The following RABEPK variants were observed in gnomAD, a reference collection of about 807,000 sequenced individuals.
The protein encoded by RABEPK is 40 kDa Rab9 effector protein.
A neutral mutation model predicts 34.1 loss-of-function variants in RABEPK; 27 were observed. The observed-to-expected ratio is 0.79, with a 90% CI of 0.58 to 1.09. RABEPK has a LOEUF of 1.09. Among genes scored for constraint, RABEPK ranks in the 50% least tolerant of loss-of-function variants. RABEPK has a pLI of 0.00. For missense variants in RABEPK, 449 were observed against 462.6 expected, an observed-to-expected ratio of 0.97 and a Z score of 0.27; for synonymous variants, 172 against 169.2, an observed-to-expected ratio of 1.02 and a Z score of -0.13.
In RABEPK at chr9:125,220,548, C is replaced by A. The variant is rs144370574; in HGVS notation, c.374C>A (p.Thr125Lys). The change falls in exon 5 of 8, where the codon ACG (threonine) becomes AAG (lysine). Residue 125 changes from threonine to lysine, a missense_variant. Thr to Lys is a moderately conservative substitution (Grantham distance 78, BLOSUM62 -1). Coordinates refer to ENST00000373538, the MANE Select transcript of RABEPK (RefSeq NM_005833.4). ...CLQVLNPETRTWTTPEVTSPP... is the reference protein window; with the variant it reads ...CLQVLNPETRKWTTPEVTSPP... Reference sequence around the variant, plus strand: ...ATTCTCTCTGGCCCAGAAACCAGGACGTGGACCACGCCAGAAGTGACCAGC... The same window carrying A: ...ATTCTCTCTGGCCCAGAAACCAGGAAGTGGACCACGCCAGAAGTGACCAGC... 1.5e-5 allele frequency: 24 copies of A among 1,613,178 alleles called. No homozygotes were observed. Among genetic ancestry groups the A allele is most frequent in the Non-Finnish European group, 2.0e-5 (24 of 1,179,580 alleles).
Position 125,224,855 on chromosome 9 carries a change from CTCCAAA to C in RABEPK, c.527-3051_527-3046del, listed in dbSNP as rs991643074. Among the ~76,000 whole-genome samples the C allele has an allele frequency of 4.6e-5, 7 of 152,158 alleles. No homozygotes were observed. The South Asian group carries it at 6.2e-4, about 13-fold the overall frequency. ...ATATAGTGAGATAACCTGGTTTCAG[CTCCAAA>C]TCCCATATTCTAACCATTATCCTAT... On this transcript the variant is annotated intron_variant, in intron 5 of 7. Coordinates refer to ENST00000373538, the MANE Select transcript of RABEPK (RefSeq NM_005833.4).
intron 5 of RABEPK, 181 bp downstream of exon 5, chr9:125,220,881 G>A: frequency 6.3e-6 from 5 of 790,344 alleles, no homozygotes; most frequent in Non-Finnish European, 9.3e-6. Flanking sequence ...AAAAGGGATA[G>A]TGAGGCCTGG....
chr9:125,232,637 C>T lies in RABEPK; in HGVS notation c.718C>T (p.Pro240Ser). 7 of 1,614,064 alleles carry T rather than the reference C, an allele frequency of 4.3e-6. No individual in the cohort carries two copies. The highest frequency in any genetic ancestry group is 5.9e-6 in the Non-Finnish European group (7 of 1,179,964). ...GAAGCTAAATCCCACTGGGGCTGCT[C>T]CAGCAGGCTGTGCTGCCCACTCAGC... Reference protein sequence around the residue: ...WQKLNPTGAAPAGCAAHSAVA... With the variant: ...WQKLNPTGAASAGCAAHSAVA... Residue 240 changes from proline to serine, a missense_variant, in exon 7 of 8, where the codon CCA becomes TCA. Transcript: ENST00000373538.
chr9:125,213,570 C>G (rs903022167), intron 4 of RABEPK, 48 bp downstream of exon 4: 1 of 1,426,726 alleles, frequency 7.0e-7, no homozygotes, highest in East Asian at 2.3e-5. Context: ...AATAAACTTT[C>G]ATGCACACAC....
chr9:125,213,902 C>G (rs1830747392), intron 4 of RABEPK, among the ~76,000 whole-genome samples: 1 of 152,162 alleles, frequency 6.6e-6, no homozygotes, highest in African/African-American at 2.4e-5. Context: ...AGGCAGATCA[C>G]TTGAGGTCAG....
At position 125,233,986 on chromosome 9, in the gene RABEPK, C is replaced by G; in HGVS notation, c.*6C>G. The G allele has an allele frequency of 6.3e-7, 1 of 1,580,696 alleles. No homozygotes were observed. The highest frequency in any genetic ancestry group is 8.7e-7 in the Non-Finnish European group (1 of 1,155,108). On this transcript the variant is annotated 3_prime_UTR_variant, in exon 8 of 8. Coordinates refer to ENST00000373538, the MANE Select transcript of RABEPK (RefSeq NM_005833.4). ...TTGTGACTGTAGTGGACTAATAAAA[C>G]CCACATTTTTATTACCTGTCAGTTA...
In RABEPK at chr9:125,234,125, C is replaced by A; in HGVS notation, c.*145C>A. ...GGTGAAGAAACTAATGCAAATAATTCTTATGTGCACTAAACCTTGCTATAT... is the reference window on the plus strand; with the variant it reads ...GGTGAAGAAACTAATGCAAATAATTATTATGTGCACTAAACCTTGCTATAT... On this transcript the variant is annotated 3_prime_UTR_variant, in exon 8 of 8. Coordinates refer to ENST00000373538, the MANE Select transcript of RABEPK (RefSeq NM_005833.4). 4 of 834,526 alleles carry A rather than the reference C, an allele frequency of 4.8e-6. No homozygotes were observed. Among genetic ancestry groups the A allele is most frequent in the South Asian group, 1.7e-5 (1 of 58,214 alleles). 51.7% of individuals were successfully genotyped at this position (834,526 alleles called of 1,614,324 possible). A position where few individuals can be genotyped will look rare whatever the true frequency, so the allele number is the denominator to read the frequency against.
At chr9:125,230,366 T>C (rs552893976) in intron 6 of RABEPK, among the ~76,000 whole-genome samples, 4 of 152,178 alleles carry the variant, frequency 2.6e-5, no homozygotes, top group South Asian at 2.1e-4. Flanking sequence ...AAGTCCTGTG[T>C]AGTGTATCGG....
intron 3 of RABEPK, among the ~76,000 whole-genome samples, chr9:125,212,667 T>C (rs79226157): frequency 6.6e-6 from 1 of 151,704 alleles, no homozygotes; most frequent in Non-Finnish European, 1.5e-5. Flanking sequence ...TTTTTTTTTT[T>C]TGAGACAGAG....
In RABEPK at chr9:125,228,013, C is replaced by A. The variant is rs777147154; in HGVS notation, c.630C>A (p.Gly210=). 1.9e-6 allele frequency: 3 copies of A among 1,605,976 alleles called. No individual in the cohort carries two copies. Among genetic ancestry groups the A allele is most frequent in the South Asian group, 2.2e-5 (2 of 89,968 alleles). The change falls in exon 6 of 8, where the codon GGC becomes GGA. Residue 210 remains glycine (G), a synonymous_variant. Coordinates refer to ENST00000373538, the MANE Select transcript of RABEPK (RefSeq NM_005833.4). ...AAGTKLFIHG[G]LAGDRFYDDL... ...GGACAAAGCTCTTCATCCACGGAGG[C>A]TTGGCGGGGGACAGATTCTATGATG... is the stretch of plus-strand genomic sequence containing the variant.
chr9:125,224,378 G>A (rs1831584277), intron 5 of RABEPK, among the ~76,000 whole-genome samples: 1 of 151,296 alleles, frequency 6.6e-6, no homozygotes, highest in Non-Finnish European at 1.5e-5. Flanking sequence ...CATGTATTGG[G>A]TACTTTTTTT....
intron 2 of RABEPK, among the ~76,000 whole-genome samples, chr9:125,205,403 T>C (rs765936888): frequency 1.3e-5 from 2 of 152,236 alleles, no homozygotes; most frequent in Non-Finnish European, 2.9e-5. Flanking sequence ...GGCTGTGTGC[T>C]TTTGGTAAAT....
chr9:125,223,279 A>C (rs1460352569), intron 5 of RABEPK, among the ~76,000 whole-genome samples: 1 of 151,862 alleles, frequency 6.6e-6, no homozygotes, highest in African/African-American at 2.4e-5. Context: ...CTCTACTAAA[A>C]ATACAAAAAA....
At chr9:125,232,993 T>C (rs1031771268) in intron 7 of RABEPK, among the ~76,000 whole-genome samples, 1 of 151,678 alleles carries the variant, frequency 6.6e-6, no homozygotes, top group East Asian at 2.0e-4. Context: ...GGGGAATTGC[T>C]TGAACCCAGG....
chr9:125,232,083 G>A (rs1274371015), intron 6 of RABEPK, among the ~76,000 whole-genome samples: 17 of 151,678 alleles, frequency 1.1e-4, no homozygotes, highest in Non-Finnish European at 1.5e-5. Flanking sequence ...ATTTTTAGTA[G>A]AGACGGGGTT....
chr9:125,206,291 C>G (rs1830220735), intron 2 of RABEPK, among the ~76,000 whole-genome samples: 1 of 152,028 alleles, frequency 6.6e-6, no homozygotes, highest in South Asian at 2.1e-4. Flanking sequence ...TTGCTTGAGG[C>G]TGGGAGTTCA....
In RABEPK at chr9:125,220,652, A is replaced by G. The variant is rs1831265066; in HGVS notation, c.478A>G (p.Arg160Gly). The G allele has an allele frequency of 1.9e-6, 3 of 1,614,192 alleles. No individual in the cohort carries two copies. Among genetic ancestry groups the G allele is most frequent in the Non-Finnish European group, 2.5e-6 (3 of 1,180,034 alleles). Reference protein sequence around the residue: ...NQLYVFGGGERGAQPVQDTKL... With the variant: ...NQLYVFGGGEGGAQPVQDTKL... ...GCTATATGTCTTTGGGGGCGGAGAG[A>G]GAGGTGCCCAGCCCGTGCAGGACAC... is the stretch of plus-strand genomic sequence containing the variant. The change falls in exon 5 of 8, where the codon AGA (arginine) becomes GGA (glycine). Residue 160 changes from arginine (R) to glycine (G), a missense_variant. Transcript: ENST00000373538.
At chr9:125,220,923 T>C in intron 5 of RABEPK, 1 of 499,220 alleles carries the variant, frequency 2.0e-6, no homozygotes, top group South Asian at 4.7e-5. Context: ...TCCCAGAGCT[T>C]TGGAAGGCTG....
chr9:125,212,284 A>G (rs1830637634), intron 3 of RABEPK, among the ~76,000 whole-genome samples: 1 of 152,086 alleles, frequency 6.6e-6, no homozygotes, highest in African/African-American at 2.4e-5. Context: ...CTGGAGCGCA[A>G]TCTCAGCTCA....
Sources: gnomAD v4.1 joint callset for allele counts (sites outside exome capture counted in the v4.1 genomes callset) on GRCh38, gnomAD v4.1.1 for gene constraint, MANE v1.5 for transcripts, NCBI Gene and HGNC (gene_info 2026-07-23, HGNC 2026-07-21) for gene names.